MCF2L2: variants seen among roughly 807,000 people sequenced by gnomAD.
MCF2L2 encodes the protein MCF.2 cell line derived transforming sequence-like 2.
A neutral mutation model predicts 150.2 loss-of-function variants in MCF2L2; 102 were observed. The observed-to-expected ratio is 0.68, with a 90% CI of 0.58 to 0.80. MCF2L2 has a LOEUF of 0.80. MCF2L2 is among the 30% of genes least tolerant of loss of function. The pLI is 0.00. For synonymous variants in MCF2L2, 465 were observed against 491.3 expected (o/e 0.95, Z 0.71); for missense variants, 1,256 against 1,372.8 (o/e 0.91, Z 1.34).
chr3:183,304,995 A>T (rs964510306), intron 10 of MCF2L2, among the ~76,000 whole-genome samples: 2 of 152,192 alleles, frequency 1.3e-5, no homozygotes, highest in Non-Finnish European at 2.9e-5. Context: ...GCTAACATCT[A>T]CTGAGAGCTT....
rs772117672 is a variant in MCF2L2 at position 183,276,898 on chromosome 3, G to A, written c.1836C>T (p.Ala612=). ...TGCGGGGGGAAAGGTCTCCGAGCCT[G>A]GCCTGCTGCTCCAGCTCAGGGTTCC... The part of the protein sequence containing the change: ...ERGNPELEQQ[A]RLGDLSPRRR... Residue 612 remains alanine (A), a synonymous_variant, in exon 15 of 30, where the codon GCC becomes GCT. Coordinates refer to ENST00000328913, the MANE Select transcript of MCF2L2 (RefSeq NM_015078.4). 1 of 1,611,000 alleles carries A rather than the reference G, an allele frequency of 6.2e-7. No individual in the cohort carries two copies. The highest frequency in any genetic ancestry group is 8.5e-7 in the Non-Finnish European group (1 of 1,178,540).
chr3:183,207,783 G>A lies in MCF2L2; in HGVS notation c.2537C>T (p.Pro846Leu). 6.2e-7 allele frequency: 1 copy of A among 1,614,216 alleles called. No individual in the cohort carries two copies. Among genetic ancestry groups the A allele is most frequent in the Non-Finnish European group, 8.5e-7 (1 of 1,180,026 alleles). ...GKLGKLLLHG[P>L]FSVWTIHKDR... is the part of the protein sequence containing the mutation. ...CTTGTGAATTGTCCAGACGCTGAAAGGGCCGTGCAGCAACAGCTTGCCTAG... is the reference window on the plus strand; with the variant it reads ...CTTGTGAATTGTCCAGACGCTGAAAAGGCCGTGCAGCAACAGCTTGCCTAG... The change falls in exon 23 of 30, where the codon CCT (proline) becomes CTT (leucine). Residue 846 changes from proline (P) to leucine (L), a missense_variant. Coordinates refer to ENST00000328913, the MANE Select transcript of MCF2L2 (RefSeq NM_015078.4).
chr3:183,384,278 T>C (rs1308738263), intron 2 of MCF2L2, among the ~76,000 whole-genome samples: 1 of 152,216 alleles, frequency 6.6e-6, no homozygotes, highest in African/African-American at 2.4e-5. Flanking sequence ...GAAATTTAGT[T>C]TAGTTTAAAC....
At chr3:183,298,039 A>C (rs1283153926) in intron 11 of MCF2L2, 2 of 152,254 alleles carry the variant, frequency 1.3e-5, no homozygotes, top group Non-Finnish European at 2.9e-5. Context: ...TTGGATTCCC[A>C]GGTGATCCCT....
At chr3:183,277,807 TGTCA>T (rs1223797841) in intron 14 of MCF2L2, among the ~76,000 whole-genome samples, 1 of 151,180 alleles carries the variant, frequency 6.6e-6, no homozygotes, top group Non-Finnish European at 1.5e-5. Flanking sequence ...TAAAATAGGA[TGTCA>T]GTCCAATAAG....
intron 14 of MCF2L2, among the ~76,000 whole-genome samples, chr3:183,278,551 A>T (rs1727297390): frequency 6.6e-6 from 1 of 152,200 alleles, no homozygotes; most frequent in Admixed American, 6.5e-5. Flanking sequence ...CATCTATGAC[A>T]TTACTATGCC....
intron 5 of MCF2L2, among the ~76,000 whole-genome samples, chr3:183,333,135 C>T (rs1730334728): frequency 6.6e-6 from 1 of 152,114 alleles, no homozygotes; most frequent in Non-Finnish European, 1.5e-5. Flanking sequence ...CAACCTCCGC[C>T]TCCCAGGTTC....
intron 1 of MCF2L2, among the ~76,000 whole-genome samples, chr3:183,403,463 G>A (rs1462889633): frequency 1.3e-5 from 2 of 152,222 alleles, no homozygotes. Context: ...GAACATGGGG[G>A]TTTTTAAACA....
At position 183,314,704 on chromosome 3, in the gene MCF2L2, T is replaced by C. The variant is rs1444463231; in HGVS notation, c.754-2932A>G. ...ACTTTTATAGATAATTAAATAGATA[T>C]AAAAGTTCACTGTACTGAAGAATGA... On this transcript the variant is annotated intron_variant, in intron 7 of 29. Transcript: ENST00000328913. Among the ~76,000 whole-genome samples the C allele has an allele frequency of 2.6e-5, 4 of 151,462 alleles. No individual in the cohort carries two copies. In the East Asian group the frequency reaches 7.9e-4, roughly 30 times the overall value.
At chr3:183,300,310 G>A (rs533670501) in intron 10 of MCF2L2, 114 bp from the exon 11 acceptor site, 28 of 941,372 alleles carry the variant, frequency 3.0e-5, no homozygotes, top group Non-Finnish European at 4.2e-5. Context: ...TGCTAACCCA[G>A]GATGAAGGCT....
At chr3:183,377,365 C>A (rs571025833) in intron 3 of MCF2L2, 1 of 152,272 alleles carries the variant, frequency 6.6e-6, no homozygotes, top group East Asian at 1.9e-4. Flanking sequence ...CTGCAAAGGA[C>A]ATGAACTCAT....
Position 183,179,580 on chromosome 3 carries a change from T to G in MCF2L2, c.3218A>C (p.Glu1073Ala), listed in dbSNP as rs372044410. 2 of 1,614,016 alleles carry G rather than the reference T, an allele frequency of 1.2e-6. No homozygotes were observed. Among genetic ancestry groups the G allele is most frequent in the South Asian group, 1.1e-5 (1 of 91,080 alleles). The change falls in exon 29 of 30, where the codon GAA becomes GCA. Residue 1073 changes from glutamate to alanine, a missense_variant. Physicochemically the swap from Glu to Ala is moderately radical, Grantham distance 107. Transcript: ENST00000328913. The surrounding 1 kb of genome is among the most constrained non-coding windows in gnomAD (Gnocchi z 4.2). ...GTCTTTCCTCGCTCACACTCACGTT[T>G]CCTCCTCATCGCGTTCTTCTTTTTC... ...QGEKEERDEE[E>A]TATRSTEEER...
chr3:183,318,338 G>A, intron 6 of MCF2L2, 121 bp from the exon 7 acceptor site: 1 of 1,128,664 alleles, frequency 8.9e-7, no homozygotes, highest in Non-Finnish European at 1.3e-6. Context: ...CCTTGGAAAT[G>A]GTATAGAGGA....
chr3:183,401,418 T>TA (rs201153464), intron 1 of MCF2L2, among the ~76,000 whole-genome samples: 13 of 151,664 alleles, frequency 8.6e-5, no homozygotes, highest in South Asian at 4.2e-4. Flanking sequence ...AAGACTTTTT[T>TA]AAAAAAAAAA....
intron 5 of MCF2L2, among the ~76,000 whole-genome samples, chr3:183,335,709 A>C (rs1730450424): frequency 1.3e-5 from 2 of 151,710 alleles, no homozygotes. Context: ...CTCTAAAAAA[A>C]ATTAAAAAAT....
chr3:183,222,146 G>C (rs545933636), intron 20 of MCF2L2, among the ~76,000 whole-genome samples: 4 of 152,326 alleles, frequency 2.6e-5, no homozygotes, highest in African/African-American at 9.6e-5. Context: ...GGGACTACAG[G>C]TGTGTGTTAT....
At chr3:183,403,208 G>A (rs1440310760) in intron 1 of MCF2L2, among the ~76,000 whole-genome samples, 2 of 152,110 alleles carry the variant, frequency 1.3e-5, no homozygotes, top group Admixed American at 6.5e-5. Flanking sequence ...GGAGGCAGAG[G>A]TTGCAGTGAG....
At chr3:183,279,780 C>A (rs1292109522) in intron 14 of MCF2L2, among the ~76,000 whole-genome samples, 1 of 152,248 alleles carries the variant, frequency 6.6e-6, no homozygotes, top group African/African-American at 2.4e-5. Context: ...CCTGTAATCC[C>A]AGCACTTCGG....
chr3:183,191,154 G>C (rs1200834563), intron 27 of MCF2L2, among the ~76,000 whole-genome samples: 1 of 152,188 alleles, frequency 6.6e-6, no homozygotes, highest in Non-Finnish European at 1.5e-5. Context: ...GGGATTACAG[G>C]CGTGAGCCAC....
Sources: gnomAD v4.1 joint callset for allele counts (sites outside exome capture counted in the v4.1 genomes callset) on GRCh38, gnomAD v4.1.1 for gene constraint, Gnocchi (gnomAD v3.1) non-coding constraint, MANE v1.5 for transcripts, NCBI Gene and HGNC (gene_info 2026-07-23, HGNC 2026-07-21) for gene names.